The following CADPS variants were observed in gnomAD, a reference collection of about 807,000 sequenced individuals.
CADPS encodes calcium dependent secretion activator.
Under a neutral mutation model 167.3 loss-of-function variants are expected in CADPS, and 57 were observed. That is an observed-to-expected ratio of 0.34 (90% CI 0.28 to 0.42). The LOEUF is 0.42. CADPS is among the 20% of genes least tolerant of loss of function. CADPS has a pLI of 1.00. For missense variants in CADPS, 1,414 were observed against 1,738.1 expected (o/e 0.81, Z 3.32); for synonymous variants, 676 against 635.3 (o/e 1.06, Z -0.96).
At chr3:62,604,596 G>A (rs1438844166) in intron 6 of CADPS, among the ~76,000 whole-genome samples, 1 of 152,260 alleles carries the variant, frequency 6.6e-6, no homozygotes, top group African/African-American at 2.4e-5. Context: ...ATGGCATAGT[G>A]AGGAACTGTC....
chr3:62,655,270 T>C (rs2071264322), intron 4 of CADPS, among the ~76,000 whole-genome samples: 1 of 152,184 alleles, frequency 6.6e-6, no homozygotes, highest in South Asian at 2.1e-4. Context: ...TGCAAACACA[T>C]TTCAAAGCTG....
At chr3:62,812,512 A>G (rs572916123) in intron 1 of CADPS, among the ~76,000 whole-genome samples, 1 of 152,312 alleles carries the variant, frequency 6.6e-6, no homozygotes, top group South Asian at 2.1e-4. Flanking sequence ...GAATCGGGGT[A>G]AAGGTACAAT....
chr3:62,614,700 G>C (rs993697611), intron 6 of CADPS, among the ~76,000 whole-genome samples: 2 of 151,876 alleles, frequency 1.3e-5, no homozygotes, highest in Non-Finnish European at 2.9e-5. Context: ...TGCATATAAT[G>C]TGTACATAAT....
At chr3:62,848,954 C>G (rs1271590388) in intron 1 of CADPS, among the ~76,000 whole-genome samples, 1 of 132,604 alleles carries the variant, frequency 7.5e-6, no homozygotes, top group African/African-American at 2.9e-5. Context: ...CTTTTATTTC[C>G]TTGAGCAGTG....
At chr3:62,709,007 C>A (rs180822168) in intron 3 of CADPS, among the ~76,000 whole-genome samples, 1 of 152,102 alleles carries the variant, frequency 6.6e-6, no homozygotes, top group African/African-American at 2.4e-5. Flanking sequence ...TGCTGGAACA[C>A]CTTCCTTTTC....
Position 62,420,100 on chromosome 3 carries a change from G to GA in CADPS, c.3778-16916dup, listed in dbSNP as rs533526585. ...TACATAATTTCCAGGCTATTACATG[G>GA]AAAAAAATTCAGGTGAATAGGTAAA... On this transcript the variant is annotated intron_variant, in intron 28 of 29. Transcript: ENST00000383710. The surrounding 1 kb of genome is among the most constrained non-coding windows in gnomAD (Gnocchi z 4.1). Among the ~76,000 whole-genome samples the GA allele has an allele frequency of 7.2e-5, 11 of 152,086 alleles. No homozygotes were observed. Among genetic ancestry groups the GA allele is most frequent in the African/African-American group, 1.9e-4 (8 of 41,508 alleles).
intron 1 of CADPS, among the ~76,000 whole-genome samples, chr3:62,805,020 C>T (rs549158421): frequency 9.2e-5 from 14 of 152,202 alleles, no homozygotes; most frequent in Admixed American, 3.9e-4. Flanking sequence ...TTTCTCACCT[C>T]GGAGCTATTG....
intron 21 of CADPS, among the ~76,000 whole-genome samples, chr3:62,488,150 T>C (rs960782076): frequency 6.6e-6 from 1 of 152,212 alleles, no homozygotes; most frequent in Non-Finnish European, 1.5e-5. Context: ...AGTTAGTTTC[T>C]TGTTTTGGGG....
chr3:62,464,500 G>A (rs2059723473), intron 26 of CADPS, among the ~76,000 whole-genome samples: 1 of 152,192 alleles, frequency 6.6e-6, no homozygotes, highest in Non-Finnish European at 1.5e-5. Flanking sequence ...GAAGCATGCA[G>A]CTGTGGTGTC....
At chr3:62,674,316 C>A (rs2076016940) in intron 3 of CADPS, among the ~76,000 whole-genome samples, 1 of 152,130 alleles carries the variant, frequency 6.6e-6, no homozygotes, top group Non-Finnish European at 1.5e-5. Context: ...AGCAACATGT[C>A]ACAAATATAA....
chr3:62,524,666 A>G (rs2071599270), intron 13 of CADPS, among the ~76,000 whole-genome samples: 1 of 152,196 alleles, frequency 6.6e-6, no homozygotes, highest in African/African-American at 2.4e-5. Context: ...TAACTCTATT[A>G]AAGGATGAAA....
intron 3 of CADPS, among the ~76,000 whole-genome samples, chr3:62,724,006 G>A (rs2076294124): frequency 6.6e-6 from 1 of 152,232 alleles, no homozygotes; most frequent in Non-Finnish European, 1.5e-5. Flanking sequence ...GTGTCCAAGG[G>A]AGCTGCACTT....
chr3:62,559,040 A>C (rs2078688124), intron 9 of CADPS, among the ~76,000 whole-genome samples: 1 of 152,114 alleles, frequency 6.6e-6, no homozygotes, highest in South Asian at 2.1e-4. Flanking sequence ...CTTCATCTGT[A>C]TTTACCTGCA....
At chr3:62,846,781 A>G (rs1427519526) in intron 1 of CADPS, among the ~76,000 whole-genome samples, 2 of 152,092 alleles carry the variant, frequency 1.3e-5, no homozygotes, top group Non-Finnish European at 2.9e-5. Context: ...CTTTTGATTC[A>G]GCCTCCAGAG....
chr3:62,670,154 A>C (rs188308884), intron 3 of CADPS, among the ~76,000 whole-genome samples: 24 of 152,280 alleles, frequency 1.6e-4, no homozygotes, highest in Non-Finnish European at 2.8e-4. Context: ...AATAACCTCA[A>C]AGGACTATTG....
chr3:62,722,925 C>A (rs778503074), intron 3 of CADPS, among the ~76,000 whole-genome samples: 1 of 152,088 alleles, frequency 6.6e-6, no homozygotes, highest in East Asian at 1.9e-4. Flanking sequence ...ACCCCCTTAC[C>A]CCCAGCTGAA....
intron 27 of CADPS, chr3:62,440,493 A>AT (rs1281300797): frequency 2.7e-5 from 1 of 37,466 alleles, no homozygotes; most frequent in African/African-American, 1.1e-4. Context: ...AATTACTATG[A>AT]TTCCCCCCCC....
intron 21 of CADPS, 105 bp from the exon 22 acceptor site, chr3:62,481,974 A>G (rs916677299): frequency 1.7e-6 from 2 of 1,146,618 alleles, no homozygotes; most frequent in African/African-American, 1.6e-5. Flanking sequence ...CCACAGCAAG[A>G]CAACAGCAAA....
Position 62,420,290 on chromosome 3 carries a change from T to G in CADPS, c.3778-17105A>C, listed in dbSNP as rs2051019212. On this transcript the variant is annotated intron_variant, in intron 28 of 29. Transcript: ENST00000383710. This position sits in a 1 kb window ranked among gnomAD's most constrained non-coding sequence, Gnocchi z 4.1. ...ACTTTCCAAAGTCCTCTAGACAGTT[T>G]TGAAACTAGATCTATTTCAATTCAA... Among the ~76,000 whole-genome samples the G allele has an allele frequency of 6.6e-6, 1 of 152,242 alleles. No individual in the cohort carries two copies. Among genetic ancestry groups the G allele is most frequent in the Non-Finnish European group, 1.5e-5 (1 of 68,044 alleles).
Sources: gnomAD v4.1 joint callset for allele counts (sites outside exome capture counted in the v4.1 genomes callset) on GRCh38, gnomAD v4.1.1 for gene constraint, Gnocchi (gnomAD v3.1) non-coding constraint, MANE v1.5 for transcripts, NCBI Gene and HGNC (gene_info 2026-07-23, HGNC 2026-07-21) for gene names.